The following NOB1 variants were observed in gnomAD, a reference collection of about 807,000 sequenced individuals.
The protein encoded by NOB1 is RNA-binding protein NOB1.
NOB1 carries 44 observed loss-of-function variants against 44.8 expected under a neutral mutation model. The ratio of observed to expected loss-of-function variants is 0.98; its 90% confidence interval spans 0.77 to 1.26. The LOEUF is 1.26. Among genes scored for constraint, NOB1 ranks in the 50% most tolerant of loss-of-function variants. The pLI, the probability that NOB1 is intolerant of heterozygous loss-of-function variation, is 0.00. For missense variants in NOB1, 560 were observed against 544.8 expected (o/e 1.03, Z -0.28); for synonymous variants, 238 against 218.7 (o/e 1.09, Z -0.78).
chr16:69,745,317 T>C (rs1394905434), intron 7 of NOB1, among the ~76,000 whole-genome samples: 2 of 152,134 alleles, frequency 1.3e-5, no homozygotes, highest in Admixed American at 1.3e-4. Flanking sequence ...TTCACATCAC[T>C]AGTCCTGGGA....
chr16:69,754,666 T>C lies in NOB1; in HGVS notation c.124A>G (p.Thr42Ala). The C allele has an allele frequency of 4.3e-6, 7 of 1,614,224 alleles. No individual in the cohort carries two copies. Among genetic ancestry groups the C allele is most frequent in the Non-Finnish European group, 5.9e-6 (7 of 1,180,050 alleles). The change falls in exon 2 of 9, where the codon ACA becomes GCA. Residue 42 changes from threonine (T) to alanine (A), a missense_variant. By Grantham distance (58) the Thr-to-Ala change is moderately conservative. Transcript: ENST00000268802. ...GGCAGGACAGCGAGCCGCCTGCGTG[T>C]GGCCTTGTCCCGAATCTCAGTGACC... Reference protein sequence around the residue: ...EVVTEIRDKATRRRLAVLPYE... With the variant: ...EVVTEIRDKAARRRLAVLPYE...
chr16:69,752,556 C>T (rs1333199183), intron 2 of NOB1, among the ~76,000 whole-genome samples, 185 bp from the exon 3 acceptor site: 1 of 152,212 alleles, frequency 6.6e-6, no homozygotes, highest in African/African-American at 2.4e-5. Context: ...TTTTCCTACT[C>T]GCAGTTGAGA....
chr16:69,754,537 G>C, intron 2 of NOB1, 57 bp downstream of exon 2: 1 of 1,601,508 alleles, frequency 6.2e-7, no homozygotes, highest in East Asian at 2.2e-5. Flanking sequence ...ACCCAACTGG[G>C]TGCCATCTGC....
intron 8 of NOB1, among the ~76,000 whole-genome samples, chr16:69,743,999 G>T (rs1207058052): frequency 6.6e-6 from 1 of 152,240 alleles, no homozygotes; most frequent in African/African-American, 2.4e-5. Flanking sequence ...CGTGGTACAT[G>T]ATTAACCCTG....
chr16:69,752,459 C>T, intron 2 of NOB1, 88 bp from the exon 3 acceptor site: 3 of 1,347,796 alleles, frequency 2.2e-6, no homozygotes, highest in Non-Finnish European at 3.1e-6. Flanking sequence ...CAATTTAGAA[C>T]AGATCAAAAT....
Position 69,749,035 on chromosome 16 carries a change from G to A in NOB1, c.609C>T (p.Asp203=), listed in dbSNP as rs371053412. Residue 203 remains aspartate (D), a synonymous_variant, in exon 6 of 9, where the codon GAC becomes GAT. Transcript: ENST00000268802. ...GFEDRKDDSD[D]DGGGWITPSN... ...TGGGGGTTATCCAGCCACCCCCGTC[G>A]TCATCGCTGTCATCTTTTCTGTCTT... 146 of 1,614,126 alleles carry A rather than the reference G, an allele frequency of 9.0e-5. No homozygotes were observed. Among genetic ancestry groups the A allele is most frequent in the East Asian group, 2.9e-4 (13 of 44,894 alleles).
At chr16:69,754,526 C>T (rs1597619168) in intron 2 of NOB1, 68 bp downstream of exon 2, 1 of 1,589,388 alleles carries the variant, frequency 6.3e-7, no homozygotes, top group Non-Finnish European at 8.6e-7. Flanking sequence ...CCCCAACTCG[C>T]ACCCAACTGG....
chr16:69,748,799 G>T, intron 6 of NOB1, 119 bp downstream of exon 6: 1 of 899,860 alleles, frequency 1.1e-6, no homozygotes, highest in Non-Finnish European at 1.6e-6. Context: ...TGGCACAGGT[G>T]GTTTCCAGAA....
chr16:69,746,224 C>T (rs1351657082), intron 7 of NOB1, among the ~76,000 whole-genome samples: 2 of 152,236 alleles, frequency 1.3e-5, no homozygotes, highest in East Asian at 3.8e-4. Context: ...CAGAGAGGCA[C>T]CTTTGATGAT....
intron 2 of NOB1, among the ~76,000 whole-genome samples, chr16:69,754,160 G>A (rs577661867): frequency 6.6e-6 from 1 of 152,298 alleles, no homozygotes; most frequent in Admixed American, 6.5e-5. Flanking sequence ...AGCTCTGCCA[G>A]GTGCAGATCT....
chr16:69,742,624 C>A (rs763202064), intron 8 of NOB1, 23 bp from the exon 9 acceptor site: 1 of 1,610,720 alleles, frequency 6.2e-7, no homozygotes, highest in Non-Finnish European at 8.5e-7. Context: ...CAAGGAAGGG[C>A]CATTAGAAGA....
In NOB1 at chr16:69,754,717, T is replaced by C; in HGVS notation, c.73A>G (p.Lys25Glu). 1.2e-6 allele frequency: 2 copies of C among 1,614,120 alleles called. No individual in the cohort carries two copies. The highest frequency in any genetic ancestry group is 1.7e-6 in the Non-Finnish European group (2 of 1,180,028). ...LRHAALQDIG[K>E]NIYTIREVVT... Reference sequence around the variant, plus strand: ...ACCTCCCGGATGGTGTAAATGTTCTTCCCGATGTCCTGCGGACAGAACGCC... The same window carrying C: ...ACCTCCCGGATGGTGTAAATGTTCTCCCCGATGTCCTGCGGACAGAACGCC... The change falls in exon 2 of 9, where the codon AAG (lysine) becomes GAG (glutamate). Residue 25 changes from lysine (K) to glutamate (E), a missense_variant. Physicochemically the swap from Lys to Glu is moderately conservative, Grantham distance 56 (BLOSUM62 1). Coordinates refer to ENST00000268802, the MANE Select transcript of NOB1 (RefSeq NM_014062.3).
At chr16:69,742,710 C>G (rs1489701563) in intron 8 of NOB1, 109 bp from the exon 9 acceptor site, 1 of 1,158,884 alleles carries the variant, frequency 8.6e-7, no homozygotes, top group Non-Finnish European at 1.3e-6. Flanking sequence ...AGGCAGATGA[C>G]AGCGGGTGGT....
chr16:69,752,176 C>T, intron 3 of NOB1, 65 bp downstream of exon 3: 2 of 1,514,704 alleles, frequency 1.3e-6, no homozygotes, highest in Middle Eastern at 4.8e-4. Flanking sequence ...ACTAGTCCTT[C>T]TACTTTTGTA....
At chr16:69,753,779 A>T (rs2038501636) in intron 2 of NOB1, among the ~76,000 whole-genome samples, 1 of 152,160 alleles carries the variant, frequency 6.6e-6, no homozygotes, top group Non-Finnish European at 1.5e-5. Context: ...GCTGACTCCT[A>T]AGCCAAGAGA....
chr16:69,745,104 G>A, intron 7 of NOB1, 87 bp from the exon 8 acceptor site: 2 of 1,437,530 alleles, frequency 1.4e-6, no homozygotes, highest in African/African-American at 2.8e-5. Context: ...CGGGCCTCAG[G>A]AGAAGAAACA....
intron 2 of NOB1, among the ~76,000 whole-genome samples, chr16:69,753,755 A>C (rs1043153877): frequency 6.6e-6 from 1 of 152,236 alleles, no homozygotes; most frequent in African/African-American, 2.4e-5. Context: ...CTTGATTCCC[A>C]ACAAGAGAAC....
intron 2 of NOB1, among the ~76,000 whole-genome samples, chr16:69,752,801 C>A (rs545755813): frequency 2.6e-5 from 4 of 151,642 alleles, no homozygotes; most frequent in Admixed American, 1.3e-4. Context: ...GGTGTGGTAG[C>A]GGGGGGGCCT....
intron 8 of NOB1, among the ~76,000 whole-genome samples, chr16:69,744,591 C>T (rs1374881063): frequency 6.6e-6 from 1 of 152,142 alleles, no homozygotes; most frequent in Non-Finnish European, 1.5e-5. Context: ...TCCCGAGACC[C>T]TGCCCATCCT....
Sources: gnomAD v4.1 joint callset for allele counts (sites outside exome capture counted in the v4.1 genomes callset) on GRCh38, gnomAD v4.1.1 for gene constraint, MANE v1.5 for transcripts, NCBI Gene and HGNC (gene_info 2026-07-23, HGNC 2026-07-21) for gene names.